Variants in PALLD observed in about 807,000 individuals in gnomAD.
PALLD encodes the protein palladin, cytoskeletal associated protein.
In PALLD, 61 loss-of-function variants were observed where a neutral mutation model predicts 123.5. That is an observed-to-expected ratio of 0.49 (90% CI 0.40 to 0.61). The LOEUF (loss-of-function observed/expected upper bound fraction) is 0.61. PALLD is among the 20% of genes least tolerant of loss of function. The probability of loss-of-function intolerance (pLI) is 0.00; values close to 1 mark genes in which losing one functional copy is unlikely to be tolerated. For synonymous variants in PALLD, 465 were observed against 496.4 expected (o/e 0.94, Z 0.84); for missense variants, 1,273 against 1,377.0 (o/e 0.92, Z 1.20).
At chr4:168,776,983 T>C (rs1349104641) in intron 10 of PALLD, among the ~76,000 whole-genome samples, 1 of 152,192 alleles carries the variant, frequency 6.6e-6, no homozygotes. Flanking sequence ...CTACGGTAGC[T>C]ACAGTTTACT....
At chr4:168,781,067 A>G (rs537065564) in intron 10 of PALLD, among the ~76,000 whole-genome samples, 2 of 152,294 alleles carry the variant, frequency 1.3e-5, no homozygotes, top group East Asian at 3.9e-4. Flanking sequence ...AAATGCCAAC[A>G]GAATACTTCC....
rs780035680 is a variant in PALLD, at chr4:168,916,038, G to T, written c.2850+11G>T. The T allele has an allele frequency of 6.2e-7, 1 of 1,612,058 alleles. No homozygotes were observed. The highest frequency in any genetic ancestry group is 1.3e-5 in the African/African-American group (1 of 75,038). On this transcript the variant is annotated intron_variant, in intron 17 of 21. Coordinates refer to ENST00000505667, the MANE Select transcript of PALLD (RefSeq NM_001166108.2). ...AGAATGGACTGCAAAGTAAGATTTT[G>T]TTATTGCTTGCATATCCTATTGCCC...
At chr4:168,587,109 C>G (rs867310845) in intron 2 of PALLD, among the ~76,000 whole-genome samples, 1 of 152,112 alleles carries the variant, frequency 6.6e-6, no homozygotes, top group Admixed American at 6.5e-5. Context: ...GGACACCCCC[C>G]GACGACAAAG....
chr4:168,828,365 G>C (rs893699590), intron 10 of PALLD, among the ~76,000 whole-genome samples: 1 of 152,168 alleles, frequency 6.6e-6, no homozygotes, highest in Non-Finnish European at 1.5e-5. Flanking sequence ...GAACAATGTC[G>C]ATTTGTGGTA....
In PALLD at chr4:168,894,719, GT is replaced by G. The variant is rs763116219; in HGVS notation, c.2199+43del. 5.9e-5 allele frequency: 95 copies of G among 1,597,930 alleles called. No individual in the cohort carries two copies. In the African/African-American group the frequency reaches 1.2e-3, roughly 20 times the overall value. On this transcript the variant is annotated intron_variant, in intron 12 of 21. Transcript: ENST00000505667. ...GACTTCTTAGGGTAACATTTATTCTGTCCCCCTTTTCCATCTTCCTTATGGA... is the reference window on the plus strand; with the variant it reads ...GACTTCTTAGGGTAACATTTATTCTGCCCCCTTTTCCATCTTCCTTATGGA...
At chr4:168,580,962 G>T (rs1011370298) in intron 2 of PALLD, among the ~76,000 whole-genome samples, 3 of 151,918 alleles carry the variant, frequency 2.0e-5, no homozygotes, top group Non-Finnish European at 4.4e-5. Flanking sequence ...GGAAACTGGG[G>T]CCTACTGGAG....
chr4:168,746,104 G>A (rs1425963028), intron 10 of PALLD, among the ~76,000 whole-genome samples: 7 of 152,038 alleles, frequency 4.6e-5, no homozygotes, highest in African/African-American at 1.2e-4. Context: ...ACCTTTTCTC[G>A]TCTTTCACAA....
At chr4:168,832,207 G>A in intron 10 of PALLD, 2 of 985,198 alleles carry the variant, frequency 2.0e-6, no homozygotes, top group South Asian at 4.7e-5. Context: ...GCTGGTGGAA[G>A]AAATGTGTGA....
At chr4:168,779,368 T>C (rs1183892385) in intron 10 of PALLD, among the ~76,000 whole-genome samples, 1 of 152,212 alleles carries the variant, frequency 6.6e-6, no homozygotes, top group Non-Finnish European at 1.5e-5. Context: ...TCAGGAACTG[T>C]TCATTTGAAA....
At position 168,497,092 on chromosome 4, in the gene PALLD, T is replaced by C. The variant is rs1486051714; in HGVS notation, c.-185T>C. ...TGACCACGGACCAGGCAGTCTCTAA[T>C]GAATAGGCAAGGCCACAACCTCCAT... On this transcript the variant is annotated 5_prime_UTR_variant, in exon 1 of 22. An upstream start codon of the reference 5' UTR is lost. Coordinates refer to ENST00000505667, the MANE Select transcript of PALLD (RefSeq NM_001166108.2). The C allele has an allele frequency of 6.6e-6, 1 of 152,116 alleles. No homozygotes were observed. The highest frequency in any genetic ancestry group is 1.5e-5 in the Non-Finnish European group (1 of 68,048). 9.4% of individuals were successfully genotyped at this position (152,116 alleles called of 1,614,324 possible). A position where few individuals can be genotyped will look rare whatever the true frequency, so the allele number is the denominator to read the frequency against.
chr4:168,884,500 G>A (rs932650057), intron 10 of PALLD, among the ~76,000 whole-genome samples: 3 of 152,154 alleles, frequency 2.0e-5, no homozygotes, highest in Admixed American at 6.5e-5. Flanking sequence ...AAGTCTGATG[G>A]ACCACACTGT....
intron 2 of PALLD, among the ~76,000 whole-genome samples, chr4:168,514,918 G>A (rs1762854144): frequency 6.6e-6 from 1 of 152,136 alleles, no homozygotes; most frequent in East Asian, 1.9e-4. Context: ...TGCCTCTTTG[G>A]GGGTAGCAGA....
intron 10 of PALLD, among the ~76,000 whole-genome samples, chr4:168,746,072 A>G (rs973182932): frequency 1.1e-4 from 17 of 152,154 alleles, no homozygotes; most frequent in Non-Finnish European, 4.4e-5. Context: ...ATTCTGGCCT[A>G]TACAATGTCC....
chr4:168,689,668 G>T (rs566892132), intron 6 of PALLD, among the ~76,000 whole-genome samples: 2 of 151,606 alleles, frequency 1.3e-5, no homozygotes, highest in Admixed American at 6.6e-5. Flanking sequence ...GGCTGGTCTC[G>T]AACTGCTGAC....
At chr4:168,685,271 A>AGGGAAC in intron 5 of PALLD, among the ~76,000 whole-genome samples, 4 of 152,228 alleles carry the variant, frequency 2.6e-5, no homozygotes, top group Non-Finnish European at 5.9e-5. Flanking sequence ...TTTACCTTGA[A>AGGGAAC]TATCCTTTTG....
chr4:168,552,685 T>C (rs1723176511), intron 2 of PALLD, among the ~76,000 whole-genome samples: 1 of 152,076 alleles, frequency 6.6e-6, no homozygotes, highest in African/African-American at 2.4e-5. Context: ...TTTGTTTTGT[T>C]TTGTTTTTGA....
intron 2 of PALLD, among the ~76,000 whole-genome samples, chr4:168,605,708 G>A (rs1773095593): frequency 6.6e-6 from 1 of 152,160 alleles, no homozygotes; most frequent in Non-Finnish European, 1.5e-5. Flanking sequence ...GTTCTACCCA[G>A]TCTCTGTAGC....
At chr4:168,548,978 G>A in intron 2 of PALLD, among the ~76,000 whole-genome samples, 1 of 151,756 alleles carries the variant, frequency 6.6e-6, no homozygotes, top group Non-Finnish European at 1.5e-5. Context: ...CCATGACTGT[G>A]CCACTGCAAT....
At chr4:168,880,444 T>C (rs1398346397) in intron 10 of PALLD, among the ~76,000 whole-genome samples, 1 of 152,232 alleles carries the variant, frequency 6.6e-6, no homozygotes, top group South Asian at 2.1e-4. Context: ...GCCATTATTA[T>C]GTGGTTACCG....
Sources: allele counts gnomAD v4.1 joint callset (sites outside exome capture counted in the v4.1 genomes callset), GRCh38; gene constraint gnomAD v4.1.1; transcripts MANE v1.5; gene names NCBI Gene and HGNC (gene_info 2026-07-23, HGNC 2026-07-21).